Variants in HHAT observed in about 807,000 individuals in gnomAD.
HHAT encodes the protein hedgehog acyltransferase.
In HHAT, 47 loss-of-function variants were observed where a neutral mutation model predicts 70.8. The observed-to-expected ratio is 0.66, with a 90% CI of 0.53 to 0.85. HHAT has a LOEUF of 0.85. Ranked by LOEUF, HHAT falls within the 40% of genes least tolerant of loss-of-function variation. The pLI, the probability that HHAT is intolerant of heterozygous loss-of-function variation, is 0.00. For missense variants in HHAT, 609 were observed against 604.8 expected (o/e 1.01, Z -0.07); for synonymous variants, 228 against 247.6 (o/e 0.92, Z 0.74).
chr1:210,606,772 C>T (rs2148831830), intron 10 of HHAT, among the ~76,000 whole-genome samples: 1 of 152,256 alleles, frequency 6.6e-6, no homozygotes, highest in African/African-American at 2.4e-5. Context: ...CTTATTTTTA[C>T]TCTCACACTT....
chr1:210,597,946 C>G (rs966415456), intron 10 of HHAT, among the ~76,000 whole-genome samples: 1 of 151,722 alleles, frequency 6.6e-6, no homozygotes, highest in East Asian at 2.0e-4. Context: ...ATGCCTGAAG[C>G]CAGCAAGTCT....
chr1:210,399,852 G>C (rs562299968), intron 4 of HHAT, among the ~76,000 whole-genome samples: 2 of 152,266 alleles, frequency 1.3e-5, no homozygotes, highest in East Asian at 3.9e-4. Flanking sequence ...CAATCAGGTA[G>C]ACTATGCAAA....
At position 210,412,805 on chromosome 1, in the gene HHAT, G is replaced by A. The variant is rs145002270; in HGVS notation, c.685-5349G>A. Among the ~76,000 whole-genome samples, 959 of 152,332 alleles carry A rather than the reference G, an allele frequency of 6.3e-3. 12 individuals are homozygous for A. Among genetic ancestry groups the A allele is most frequent in the African/African-American group, 0.022 (907 of 41,572 alleles). On this transcript the variant is annotated intron_variant, in intron 6 of 11. Coordinates refer to ENST00000261458, the MANE Select transcript of HHAT (RefSeq NM_018194.6). The stretch of plus-strand genomic sequence containing the variant: ...AGTGCCACCCTCATGGCTCTGCTGG[G>A]CCCTGCCTCTGTGCAGTTCTTTGTC...
In HHAT at chr1:210,394,229, CTTTTTTTTTTTTTTTTT is replaced by C. The variant is rs59554789; in HGVS notation, c.274-6220_274-6204del. The stretch of plus-strand genomic sequence containing the variant: ...TTTTATTTTCAAAAGCATGATCTAT[CTTTTTTTTTTTTTTTTT>C]TTTTTTTTTTTTTTTTTTGCCATGG... On this transcript the variant is annotated intron_variant, in intron 4 of 11. Coordinates refer to ENST00000261458, the MANE Select transcript of HHAT (RefSeq NM_018194.6). Among the ~76,000 whole-genome samples, 55 of 116,330 alleles carry C rather than the reference CTTTTTTTTTTTTTTTTT, an allele frequency of 4.7e-4. 1 individual carries two copies. The East Asian group carries it at 1.0e-2, about 21-fold the overall frequency. 76.3% of individuals were successfully genotyped at this position (116,330 alleles called of 152,430 possible).
chr1:210,373,800 C>T (rs1400408752), intron 3 of HHAT, among the ~76,000 whole-genome samples: 1 of 152,172 alleles, frequency 6.6e-6, no homozygotes, highest in East Asian at 1.9e-4. Flanking sequence ...AGAATGTTAT[C>T]TAGAGAAGGA....
chr1:210,400,662 G>C lies in HHAT; in HGVS notation c.468G>C (p.Lys156Asn). 2.5e-6 allele frequency: 4 copies of C among 1,611,418 alleles called. No individual in the cohort carries two copies. The highest frequency in any genetic ancestry group is 3.4e-6 in the Non-Finnish European group (4 of 1,178,854). The change falls in exon 5 of 12, where the codon AAG (lysine) becomes AAC (asparagine). Residue 156 changes from lysine to asparagine, a missense_variant and splice_region_variant. Transcript: ENST00000261458. ...TLRLQGVEEV[K>N]RRWYKTENEY... is the part of the protein sequence containing the mutation. ...GGCTGCAGGGTGTGGAAGAAGTTAA[G>C]GTAAGTGTTTTCCTGTTACCATTGG...
At chr1:210,408,263 A>C (rs1382322964) in intron 6 of HHAT, among the ~76,000 whole-genome samples, 1 of 151,486 alleles carries the variant, frequency 6.6e-6, no homozygotes, top group Non-Finnish European at 1.5e-5. Context: ...GCTCATCGCA[A>C]CCTCCACCTC....
intron 9 of HHAT, among the ~76,000 whole-genome samples, chr1:210,580,399 G>A (rs538895670): frequency 4.7e-4 from 70 of 150,430 alleles, no homozygotes; most frequent in African/African-American, 1.7e-3. Flanking sequence ...GGGGGGATAC[G>A]TGTACAGAAC....
At chr1:210,328,728 A>C (rs2084715339), upstream of HHAT, among the ~76,000 whole-genome samples, 1 of 152,226 alleles carries the variant, frequency 6.6e-6, no homozygotes, top group Non-Finnish European at 1.5e-5. Flanking sequence ...CGCCAGGGTC[A>C]GTGGGAACCA....
intron 8 of HHAT, among the ~76,000 whole-genome samples, chr1:210,484,000 G>A (rs577266818): frequency 1.1e-4 from 17 of 152,276 alleles, no homozygotes; most frequent in African/African-American, 3.4e-4. Flanking sequence ...CTGATTGACC[G>A]GCTCAACTTC....
chr1:210,375,462 A>G (rs1187639116), intron 3 of HHAT, among the ~76,000 whole-genome samples: 1 of 152,062 alleles, frequency 6.6e-6, no homozygotes. Context: ...TATGTATGCC[A>G]TATCCTTTTT....
At chr1:210,329,369 T>C in intron 1 of HHAT, 1 of 1,175,738 alleles carries the variant, frequency 8.5e-7, no homozygotes, top group Non-Finnish European at 1.0e-6. Flanking sequence ...CCACGTCCTC[T>C]CTCCTTGGCT....
chr1:210,645,719 A>T (rs1270756170), intron 11 of HHAT, among the ~76,000 whole-genome samples: 1 of 152,080 alleles, frequency 6.6e-6, no homozygotes, highest in Non-Finnish European at 1.5e-5. Context: ...CTCAAGGTTT[A>T]GTCTGGGACT....
intron 10 of HHAT, among the ~76,000 whole-genome samples, chr1:210,606,619 T>A (rs971011043): frequency 1.3e-5 from 2 of 152,210 alleles, no homozygotes; most frequent in African/African-American, 4.8e-5. Context: ...TTCTCCTCTC[T>A]CCTTTAACAA....
intron 9 of HHAT, among the ~76,000 whole-genome samples, chr1:210,519,526 G>GT (rs2095116485): frequency 1.1e-4 from 10 of 93,744 alleles, no homozygotes; most frequent in Admixed American, 7.0e-4. Context: ...AATTTTCTTT[G>GT]CTTTTTTTTT....
At chr1:210,413,937 C>A (rs553254726) in intron 6 of HHAT, among the ~76,000 whole-genome samples, 1 of 152,342 alleles carries the variant, frequency 6.6e-6, no homozygotes, top group South Asian at 2.1e-4. Context: ...ATTACCCCTT[C>A]CACACTACTT....
intron 9 of HHAT, among the ~76,000 whole-genome samples, chr1:210,522,009 T>C (rs2095166016): frequency 6.6e-6 from 1 of 152,210 alleles, no homozygotes; most frequent in Admixed American, 6.5e-5. Context: ...AACACAGAGG[T>C]GATAACTCAG....
chr1:210,618,284 CTTG>C lies in HHAT; in HGVS notation c.1246-5237_1246-5235del, dbSNP rs531544996. On this transcript the variant is annotated intron_variant, in intron 10 of 11. Transcript: ENST00000261458. Reference sequence around the variant, plus strand: ...TTTCTTGAGAGTTATAATTGTGTCTCTTGTTGTCCCTGGCCTCATCTTTACAGT... The same window carrying C: ...TTTCTTGAGAGTTATAATTGTGTCTCTTGTCCCTGGCCTCATCTTTACAGT... Among the ~76,000 whole-genome samples the C allele has an allele frequency of 1.2e-4, 18 of 152,262 alleles. 2 individuals carry two copies. The East Asian group carries it at 3.5e-3, about 29-fold the overall frequency.
intron 11 of HHAT, among the ~76,000 whole-genome samples, chr1:210,653,555 C>A (rs1675643028): frequency 6.7e-6 from 1 of 150,166 alleles, no homozygotes; most frequent in African/African-American, 2.4e-5. Context: ...AAGTTAAATA[C>A]CATTTAATGT....
Sources: allele counts gnomAD v4.1 joint callset (sites outside exome capture counted in the v4.1 genomes callset), GRCh38; gene constraint gnomAD v4.1.1; transcripts MANE v1.5; gene names NCBI Gene and HGNC (gene_info 2026-07-23, HGNC 2026-07-21).